RIMBP2: variants seen among roughly 807,000 people sequenced by gnomAD.
RIMBP2 encodes RIMS-binding protein 2.
Under a neutral mutation model 118.6 loss-of-function variants are expected in RIMBP2, and 48 were observed. That is an observed-to-expected ratio of 0.40 (90% CI 0.32 to 0.51). The LOEUF (loss-of-function observed/expected upper bound fraction) is 0.51, where lower values mean the gene tolerates loss of function less well. RIMBP2 is among the 20% of genes least tolerant of loss of function. The pLI is 0.41. For synonymous variants in RIMBP2, 762 were observed against 742.9 expected (o/e 1.03, Z -0.42); for missense variants, 1,551 against 1,768.3 (o/e 0.88, Z 2.20).
chr12:130,590,598 G>T (rs2059195280), intron 2 of RIMBP2, among the ~76,000 whole-genome samples: 1 of 152,228 alleles, frequency 6.6e-6, no homozygotes, highest in African/African-American at 2.4e-5. Flanking sequence ...GACAGATGAG[G>T]TTAGAAAAAT....
rs2052715294 is a variant in RIMBP2, at chr12:130,525,778, A to G, written c.-216-7861T>C. ...GGCTTCTACGCTGGGCCAAGAACCA[A>G]CATAAGCTCTTTGCTTTCCTCCTCT... On this transcript the variant is annotated intron_variant, in intron 2 of 22. Coordinates refer to ENST00000690449, the MANE Select transcript of RIMBP2 (RefSeq NM_001393629.1). The surrounding 1 kb of genome is among the most constrained non-coding windows in gnomAD (Gnocchi z 4.4). Among the ~76,000 whole-genome samples the G allele has an allele frequency of 6.6e-6, 1 of 152,176 alleles. No individual in the cohort carries two copies. The highest frequency in any genetic ancestry group is 6.5e-5 in the Admixed American group (1 of 15,286).
Position 130,629,974 on chromosome 12 carries a change from T to TAAAA in RIMBP2, c.-351-1522_-351-1519dup, listed in dbSNP as rs33932481. On this transcript the variant is annotated intron_variant, in intron 1 of 22. Transcript: ENST00000690449. ...ATCATCCAGCCAACCAATCAAGCTT[T>TAAAA]AAAAAAAAAAAAAAAAAAGCAACAA... Among the ~76,000 whole-genome samples the TAAAA allele has an allele frequency of 9.7e-4, 101 of 104,494 alleles. 1 individual carries two copies. Among genetic ancestry groups the TAAAA allele is most frequent in the South Asian group, 4.4e-3 (12 of 2,714 alleles). The allele number at this position is 104,494 out of a possible 152,430, so 68.6% of individuals were successfully genotyped here.
At chr12:130,547,737 C>T (rs937500296) in intron 2 of RIMBP2, among the ~76,000 whole-genome samples, 15 of 152,216 alleles carry the variant, frequency 9.9e-5, no homozygotes, top group African/African-American at 3.6e-4. Flanking sequence ...TCTCCTGATG[C>T]CAGGGAGATC....
chr12:130,690,255 G>A (rs895745439), intron 1 of RIMBP2, among the ~76,000 whole-genome samples: 2 of 152,152 alleles, frequency 1.3e-5, no homozygotes, highest in African/African-American at 4.8e-5. Flanking sequence ...TGCCCTGGGG[G>A]TGGGGATCAT....
chr12:130,572,572 A>G (rs2057763392), intron 2 of RIMBP2, among the ~76,000 whole-genome samples: 1 of 152,040 alleles, frequency 6.6e-6, no homozygotes, highest in African/African-American at 2.4e-5. Flanking sequence ...TGATTCTAGA[A>G]AGCTGACAGG....
chr12:130,474,366 G>A (rs1439123248), intron 5 of RIMBP2, among the ~76,000 whole-genome samples: 5 of 152,162 alleles, frequency 3.3e-5, no homozygotes, highest in Admixed American at 1.3e-4. Context: ...CCCGACTGAC[G>A]GAACCTCGTC....
chr12:130,456,604 TG>T lies in RIMBP2; in HGVS notation c.249del (p.Lys84ArgfsTer27). On this transcript the variant is annotated frameshift_variant, in exon 7 of 23. Coordinates refer to ENST00000690449, the MANE Select transcript of RIMBP2 (RefSeq NM_001393629.1). LOFTEE classifies it high-confidence loss of function. ...RDLEKFRQHA[G>X]KIDLLGGSAV... is the part of the protein sequence containing the mutation. Reference sequence around the variant, plus strand: ...GCGCTGCCACCCAGCAGGTCAATCTTGCCAGCGTGCTGCCGGAACTTCTCCA... The same window carrying T: ...GCGCTGCCACCCAGCAGGTCAATCTTCCAGCGTGCTGCCGGAACTTCTCCA... The T allele has an allele frequency of 1.9e-6, 3 of 1,613,768 alleles. No individual in the cohort carries two copies. The highest frequency in any genetic ancestry group is 2.5e-6 in the Non-Finnish European group (3 of 1,179,868).
At chr12:130,553,231 A>G (rs2056001672) in intron 2 of RIMBP2, among the ~76,000 whole-genome samples, 1 of 152,120 alleles carries the variant, frequency 6.6e-6, no homozygotes. Flanking sequence ...AGGGAAGGAC[A>G]ACATATGACT....
At chr12:130,555,712 T>C (rs550988575) in intron 2 of RIMBP2, among the ~76,000 whole-genome samples, 75 of 152,344 alleles carry the variant, frequency 4.9e-4, no homozygotes, top group African/African-American at 1.6e-3. Flanking sequence ...GATGTTTTTA[T>C]GGCTTTGACC....
At chr12:130,656,996 G>C (rs1188083496) in intron 1 of RIMBP2, among the ~76,000 whole-genome samples, 1 of 152,376 alleles carries the variant, frequency 6.6e-6, no homozygotes, top group East Asian at 1.9e-4. Flanking sequence ...CCAGGCTCAA[G>C]TGATCCTCCT....
chr12:130,481,187 T>C (rs1593465134), intron 4 of RIMBP2, among the ~76,000 whole-genome samples: 1 of 151,914 alleles, frequency 6.6e-6, no homozygotes. Flanking sequence ...GGGGGAGGGG[T>C]GTGGCCCCGC....
At chr12:130,491,865 GCA>G (rs1335283702) in intron 4 of RIMBP2, among the ~76,000 whole-genome samples, 1 of 152,262 alleles carries the variant, frequency 6.6e-6, no homozygotes, top group African/African-American at 2.4e-5. Context: ...TATTTTTAAA[GCA>G]GCGATATTTA....
rs772505707 is a variant in RIMBP2, at chr12:130,450,233, G to A, written c.548C>T (p.Ser183Leu). The A allele has an allele frequency of 1.3e-5, 21 of 1,609,398 alleles. No individual in the cohort carries two copies. Among genetic ancestry groups the A allele is most frequent in the Admixed American group, 1.7e-5 (1 of 59,650 alleles). ...RNSNTSKQRY[S>L]GKVHLCVARY... ...GGCAACACAGAGGTGGACCTTCCCC[G>A]AGTATCTCTGCTTGGAGGTATTGGA... The change falls in exon 9 of 23, where the codon TCG (serine) becomes TTG (leucine). Residue 183 changes from serine to leucine, a missense_variant. Physicochemically the swap from Ser to Leu is moderately radical, Grantham distance 145 (BLOSUM62 -2). Coordinates refer to ENST00000690449, the MANE Select transcript of RIMBP2 (RefSeq NM_001393629.1). This position sits in a 1 kb window ranked among gnomAD's most constrained non-coding sequence, Gnocchi z 4.8.
Position 130,506,906 on chromosome 12 carries a change from C to T in RIMBP2, c.-126-136G>A, listed in dbSNP as rs140495617. The T allele has an allele frequency of 7.0e-4, 440 of 626,830 alleles. No homozygotes were observed. In the African/African-American group the frequency reaches 8.2e-3, roughly 12 times the overall value. 38.8% of individuals were successfully genotyped at this position (626,830 alleles called of 1,614,324 possible). A position where few individuals can be genotyped will look rare whatever the true frequency, so the allele number is the denominator to read the frequency against. On this transcript the variant is annotated intron_variant, in intron 3 of 22. Transcript: ENST00000690449. ...TCCCTCCCTCCTTCTCCATCATGGACTGGGTCCACTCCTACTAGGGGTCAC... is the reference window on the plus strand; with the variant it reads ...TCCCTCCCTCCTTCTCCATCATGGATTGGGTCCACTCCTACTAGGGGTCAC...
At chr12:130,655,235 C>T (rs1594152194) in intron 1 of RIMBP2, among the ~76,000 whole-genome samples, 1 of 152,328 alleles carries the variant, frequency 6.6e-6, no homozygotes, top group Middle Eastern at 3.4e-3. Flanking sequence ...CATCGCCCCA[C>T]CCTGCCAGCC....
At position 130,420,176 on chromosome 12, in the gene RIMBP2, G is replaced by GTCC. The variant is rs1165207827; in HGVS notation, c.3238+2274_3238+2276dup. ...TTCATTTCCCAAAGCTCTTTGCCGA[G>GTCC]TCCTCCTCCTCCTCAGGTGGGTGAT... is the stretch of plus-strand genomic sequence containing the variant. On this transcript the variant is annotated intron_variant, in intron 17 of 22. Coordinates refer to ENST00000690449, the MANE Select transcript of RIMBP2 (RefSeq NM_001393629.1). This position sits in a 1 kb window ranked among gnomAD's most constrained non-coding sequence, Gnocchi z 4.3. Among the ~76,000 whole-genome samples the GTCC allele has an allele frequency of 3.3e-5, 5 of 152,108 alleles. No individual in the cohort carries two copies. Among genetic ancestry groups the GTCC allele is most frequent in the South Asian group, 4.1e-4 (2 of 4,824 alleles).
At chr12:130,487,049 C>G (rs2082553478) in intron 4 of RIMBP2, among the ~76,000 whole-genome samples, 1 of 152,248 alleles carries the variant, frequency 6.6e-6, no homozygotes, top group African/African-American at 2.4e-5. Context: ...CCTCTGTGAT[C>G]CAGCCTCTTC....
intron 1 of RIMBP2, among the ~76,000 whole-genome samples, chr12:130,667,008 AGGG>A: frequency 1.9e-5 from 1 of 52,964 alleles, no homozygotes; most frequent in African/African-American, 7.4e-5. Context: ...GGAAGGAGGG[AGGG>A]AGGGAGGGAG....
chr12:130,600,219 A>G (rs1465106378), intron 2 of RIMBP2, among the ~76,000 whole-genome samples: 1 of 152,232 alleles, frequency 6.6e-6, no homozygotes, highest in Non-Finnish European at 1.5e-5. Context: ...ATCTTGGACA[A>G]GTACTGCCAT....
Sources: gnomAD v4.1 joint callset for allele counts (sites outside exome capture counted in the v4.1 genomes callset) on GRCh38, gnomAD v4.1.1 for gene constraint, Gnocchi (gnomAD v3.1) non-coding constraint, MANE v1.5 for transcripts, NCBI Gene and HGNC (gene_info 2026-07-23, HGNC 2026-07-21) for gene names.